Variants in EDN1 observed in about 807,000 individuals in gnomAD.
The protein encoded by EDN1 is endothelin 1.
EDN1 carries 11 observed loss-of-function variants against 21.7 expected under a neutral mutation model. That is an observed-to-expected ratio of 0.51 (90% confidence interval 0.32 to 0.84). EDN1 has a LOEUF of 0.84. EDN1 is among the 40% of genes least tolerant of loss of function. EDN1 has a pLI of 0.03. For missense variants in EDN1, 244 were observed against 262.3 expected (o/e 0.93, Z 0.48); for synonymous variants, 85 against 90.6 (o/e 0.94, Z 0.35).
the EDN1 span, among the ~76,000 whole-genome samples, chr6:12,251,318 A>C: frequency 1.3e-5 from 2 of 152,220 alleles, no homozygotes; most frequent in African/African-American, 4.8e-5. Context: ...AGTGACATAG[A>C]TCTTGCTAAA....
the EDN1 span, among the ~76,000 whole-genome samples, chr6:12,275,127 C>T: frequency 6.6e-6 from 1 of 152,154 alleles, no homozygotes; most frequent in African/African-American, 2.4e-5. Context: ...CCTCAAAACA[C>T]TTCTAACCCA....
the EDN1 span, among the ~76,000 whole-genome samples, chr6:12,232,720 T>A: frequency 1.3e-5 from 2 of 152,326 alleles, no homozygotes; most frequent in Non-Finnish European, 2.9e-5. Context: ...ATTAATAGAC[T>A]AAAGGAAAAT....
chr6:12,294,486 C>T, intron 4 of EDN1, 82 bp downstream of exon 4: 2 of 1,536,508 alleles, frequency 1.3e-6, no homozygotes, highest in Non-Finnish European at 1.8e-6. Flanking sequence ...GCCTGTTCCT[C>T]CAGCCCTTCT....
the EDN1 span, among the ~76,000 whole-genome samples, chr6:12,272,550 T>C: frequency 6.7e-6 from 1 of 149,530 alleles, no homozygotes; most frequent in Non-Finnish European, 1.5e-5. Context: ...CTGCACCTCC[T>C]TCATTCAAGC....
At chr6:12,247,283 G>A in the EDN1 span, among the ~76,000 whole-genome samples, 8 of 152,144 alleles carry the variant, frequency 5.3e-5, no homozygotes, top group Non-Finnish European at 1.2e-4. Context: ...GAACCTTGGT[G>A]TGTAAATGTT....
At chr6:12,259,534 A>G in the EDN1 span, among the ~76,000 whole-genome samples, 1 of 151,884 alleles carries the variant, frequency 6.6e-6, no homozygotes, top group Non-Finnish European at 1.5e-5. Flanking sequence ...TTTCCAGCAG[A>G]ATTTATTTTA....
chr6:12,264,606 G>A, the EDN1 span, among the ~76,000 whole-genome samples: 11 of 152,068 alleles, frequency 7.2e-5, no homozygotes, highest in African/African-American at 2.7e-4. Flanking sequence ...TAACACTAAC[G>A]ATAGCTGAGG....
At chr6:12,259,649 A>G in the EDN1 span, among the ~76,000 whole-genome samples, 1 of 152,050 alleles carries the variant, frequency 6.6e-6, no homozygotes, top group Non-Finnish European at 1.5e-5. Context: ...GATAGACACT[A>G]TATTACAAAG....
chr6:12,284,150 G>C, the EDN1 span, among the ~76,000 whole-genome samples: 1 of 152,278 alleles, frequency 6.6e-6, no homozygotes, highest in African/African-American at 2.4e-5. Flanking sequence ...ACACCTAGTG[G>C]TGGCTCGATA....
chr6:12,266,031 C>G, the EDN1 span, among the ~76,000 whole-genome samples: 1 of 152,106 alleles, frequency 6.6e-6, no homozygotes, highest in African/African-American at 2.4e-5. Context: ...ACACAGAAAC[C>G]AGGGCCACCC....
the EDN1 span, among the ~76,000 whole-genome samples, chr6:12,233,924 G>C: frequency 6.6e-6 from 1 of 152,150 alleles, no homozygotes; most frequent in African/African-American, 2.4e-5. Flanking sequence ...GGTTTGACAG[G>C]AGTTTACATA....
the EDN1 span, among the ~76,000 whole-genome samples, chr6:12,280,533 GC>G: frequency 6.6e-6 from 1 of 152,296 alleles, no homozygotes; most frequent in South Asian, 2.1e-4. Flanking sequence ...TTAGTGTGCT[GC>G]TTTATCTCTA....
chr6:12,295,856 C>A, intron 4 of EDN1, 106 bp from the exon 5 acceptor site: 16 of 1,124,418 alleles, frequency 1.4e-5, no homozygotes, highest in Non-Finnish European at 2.1e-5. Context: ...AAGTTCACAA[C>A]CAGATTCAGG....
the EDN1 span, among the ~76,000 whole-genome samples, chr6:12,231,008 C>T: frequency 3.3e-3 from 497 of 152,328 alleles, no homozygotes; most frequent in African/African-American, 0.011. Context: ...CTCCAGCAAT[C>T]TGTCTGCAGT....
the EDN1 span, among the ~76,000 whole-genome samples, chr6:12,270,945 T>C: frequency 6.6e-6 from 1 of 152,212 alleles, no homozygotes; most frequent in African/African-American, 2.4e-5. Context: ...TTTACGCATT[T>C]GGGTGCTCAA....
the EDN1 span, among the ~76,000 whole-genome samples, chr6:12,258,369 AGCCTGGGAG>A: frequency 7.4e-6 from 1 of 135,126 alleles, no homozygotes; most frequent in Non-Finnish European, 1.5e-5. Context: ...GGATGGCTTG[AGCCTGGGAG>A]GTCAAGGCTG....
the EDN1 span, among the ~76,000 whole-genome samples, chr6:12,272,421 T>C: frequency 6.7e-6 from 1 of 150,274 alleles, no homozygotes; most frequent in Non-Finnish European, 1.5e-5. Context: ...ACATGCAAAA[T>C]AAGTTTACAT....
At chr6:12,258,287 TA>T in the EDN1 span, among the ~76,000 whole-genome samples, 74 of 143,338 alleles carry the variant, frequency 5.2e-4, no homozygotes, top group African/African-American at 5.5e-4. Flanking sequence ...CCTCCATCTT[TA>T]AAAAAAAAAA....
chr6:12,240,885 G>A, the EDN1 span, among the ~76,000 whole-genome samples: 1 of 152,134 alleles, frequency 6.6e-6, no homozygotes, highest in Non-Finnish European at 1.5e-5. Context: ...GCATCCTGCT[G>A]CCTGGAACAC....
Sources: gnomAD v4.1 joint callset for allele counts (sites outside exome capture counted in the v4.1 genomes callset) on GRCh38, gnomAD v4.1.1 for gene constraint, MANE v1.5 for transcripts, NCBI Gene and HGNC (gene_info 2026-07-23, HGNC 2026-07-21) for gene names.